The following TCF7L2 variants were observed in gnomAD, a reference collection of about 807,000 sequenced individuals.
TCF7L2 encodes the protein transcription factor 7 like 2, also known as transcription factor 7-like 2.
Under a neutral mutation model 77.9 loss-of-function variants are expected in TCF7L2, and 23 were observed. That is an observed-to-expected ratio of 0.30 (90% CI 0.21 to 0.42). The LOEUF is 0.42. Among genes scored for constraint, TCF7L2 ranks in the 10% least tolerant of loss-of-function variants. The probability of loss-of-function intolerance (pLI) is 1.00; values close to 1 mark genes in which losing one functional copy is unlikely to be tolerated. For missense variants in TCF7L2, 654 were observed against 793.1 expected, an observed-to-expected ratio of 0.82 and a Z score of 2.11; for synonymous variants, 413 against 340.2, an observed-to-expected ratio of 1.21 and a Z score of -2.36.
chr10:112,966,184 T>TTATATTTTTATA (rs1554876897), intron 4 of TCF7L2, among the ~76,000 whole-genome samples: 2 of 114,280 alleles, frequency 1.8e-5, no homozygotes, highest in African/African-American at 9.5e-5. Context: ...TAAAATATAT[T>TTATATTTTTATA]TATATATATA....
At chr10:112,967,396 C>T (rs926178413) in intron 4 of TCF7L2, among the ~76,000 whole-genome samples, 5 of 152,186 alleles carry the variant, frequency 3.3e-5, no homozygotes, top group African/African-American at 1.2e-4. Context: ...CCCTTCCCAT[C>T]CCTCCTGTAA....
At chr10:113,042,423 G>A (rs1256208703) in intron 5 of TCF7L2, among the ~76,000 whole-genome samples, 2 of 152,212 alleles carry the variant, frequency 1.3e-5, no homozygotes, top group Non-Finnish European at 2.9e-5. Flanking sequence ...TAGAGGGGAT[G>A]GGCTGGTGGA....
At chr10:113,032,541 G>A (rs1242776003) in intron 4 of TCF7L2, among the ~76,000 whole-genome samples, 3 of 152,196 alleles carry the variant, frequency 2.0e-5, no homozygotes, top group East Asian at 1.9e-4. Context: ...GGGACACTGA[G>A]ATGTTCCCTT....
intron 4 of TCF7L2, among the ~76,000 whole-genome samples, chr10:112,991,579 G>A (rs2042557504): frequency 6.6e-6 from 1 of 151,452 alleles, no homozygotes; most frequent in Admixed American, 6.6e-5. Context: ...CATGGGGTGA[G>A]TCTCTGCCAC....
At chr10:112,996,867 G>A (rs1227798386) in intron 4 of TCF7L2, among the ~76,000 whole-genome samples, 4 of 152,230 alleles carry the variant, frequency 2.6e-5, no homozygotes, top group Admixed American at 1.3e-4. Context: ...AAGGGCATTT[G>A]CTCTTCTGGG....
chr10:112,951,456 T>G, intron 2 of TCF7L2, 27 bp from the exon 3 acceptor site: 1 of 1,395,612 alleles, frequency 7.2e-7, no homozygotes, highest in South Asian at 1.2e-5. Context: ...CGGCCGCCGC[T>G]GTCCCCTCGC....
chr10:113,116,880 C>T (rs898807036), intron 5 of TCF7L2, among the ~76,000 whole-genome samples: 11 of 152,098 alleles, frequency 7.2e-5, no homozygotes, highest in African/African-American at 2.7e-4. Flanking sequence ...TAAAGTTGAT[C>T]CATTTTAGCT....
At chr10:112,951,857 A>G (rs1263207448) in intron 3 of TCF7L2, 2 of 155,358 alleles carry the variant, frequency 1.3e-5, no homozygotes, top group African/African-American at 4.9e-5. Context: ...GATGTTGGGG[A>G]GACCTCTCTG....
At chr10:113,033,484 G>A (rs890855605) in intron 4 of TCF7L2, among the ~76,000 whole-genome samples, 4 of 152,138 alleles carry the variant, frequency 2.6e-5, no homozygotes, top group African/African-American at 9.6e-5. Context: ...CTGGACTCAA[G>A]CAATCTTCCT....
intron 12 of TCF7L2, 92 bp from the exon 14 acceptor site, chr10:113,159,828 C>T (rs2072753736): frequency 8.7e-5 from 16 of 183,136 alleles, no homozygotes; most frequent in African/African-American, 1.6e-4. Flanking sequence ...GTATCTTTCT[C>T]TTCCCCCCCC....
At position 112,978,141 on chromosome 10, in the gene TCF7L2, T is replaced by C. The variant is rs761552162; in HGVS notation, c.450+13517T>C. Among the ~76,000 whole-genome samples the C allele has an allele frequency of 7.9e-5, 12 of 152,200 alleles. 1 individual carries two copies. The highest frequency in any genetic ancestry group is 1.6e-4 in the Non-Finnish European group (11 of 68,022). The stretch of plus-strand genomic sequence containing the variant: ...AAATTTAAATTGATATCTTGGGGCA[T>C]TTGATTCTCTATTGGAAAACAGTTA... On this transcript the variant is annotated intron_variant, in intron 4 of 13. Transcript: ENST00000627217.
At chr10:113,129,502 TA>T (rs2066212164) in intron 5 of TCF7L2, 1 of 1,007,956 alleles carries the variant, frequency 9.9e-7, no homozygotes, top group Non-Finnish European at 1.2e-6. Context: ...AAATTTTTTT[TA>T]AAAAATTAAA....
chr10:113,087,877 A>G (rs1426772145), intron 5 of TCF7L2, among the ~76,000 whole-genome samples: 2 of 152,192 alleles, frequency 1.3e-5, no homozygotes, highest in African/African-American at 4.8e-5. Context: ...AATACCATAT[A>G]CTATGGTAAC....
chr10:113,034,832 G>GT (rs1246114264), intron 4 of TCF7L2, among the ~76,000 whole-genome samples: 2 of 152,162 alleles, frequency 1.3e-5, no homozygotes, highest in African/African-American at 2.4e-5. Flanking sequence ...GAAGGTAGAG[G>GT]TTGCAGTGAG....
intron 12 of TCF7L2, chr10:113,160,509 A>G (rs2072990078): frequency 1.2e-5 from 11 of 910,572 alleles, no homozygotes; most frequent in Non-Finnish European, 1.7e-5. Context: ...AGATTATCAA[A>G]TAGAACCAAG....
chr10:113,059,301 A>C (rs1053412909), intron 5 of TCF7L2, among the ~76,000 whole-genome samples: 4 of 152,092 alleles, frequency 2.6e-5, no homozygotes, highest in African/African-American at 4.8e-5. Context: ...CCATAAAAAC[A>C]TGCGGCTTTC....
chr10:113,007,926 T>TGATG (rs2045852176), intron 4 of TCF7L2, among the ~76,000 whole-genome samples: 1 of 152,208 alleles, frequency 6.6e-6, no homozygotes, highest in African/African-American at 2.4e-5. Context: ...GAGGTGTTTC[T>TGATG]GAATTCTGAT....
Position 113,073,129 on chromosome 10 carries a change from T to TGTGTGTGTGTGTGTGTGAGA in TCF7L2, c.552+33004_552+33005insTGTGTGTGTGTGTGTGAGAG, listed in dbSNP as rs56927661. Among the ~76,000 whole-genome samples the TGTGTGTGTGTGTGTGTGAGA allele has an allele frequency of 8.3e-3, 1,022 of 123,400 alleles. 10 individuals carry two copies. Among genetic ancestry groups the TGTGTGTGTGTGTGTGTGAGA allele is most frequent in the Admixed American group, 0.016 (184 of 11,862 alleles). The allele number at this position is 123,400 out of a possible 152,430, so 81.0% of individuals were successfully genotyped here. ...GTGTGTGTGTGTGTGTGTGTGTGTG[T>TGTGTGTGTGTGTGTGTGAGA]GAGAGAGAGAGAGAGAGAGAGACAG... On this transcript the variant is annotated intron_variant, in intron 5 of 13. Coordinates refer to ENST00000627217, the MANE Select transcript of TCF7L2 (RefSeq NM_001146274.2).
At chr10:112,985,170 T>C (rs2041251132) in intron 4 of TCF7L2, among the ~76,000 whole-genome samples, 1 of 152,220 alleles carries the variant, frequency 6.6e-6, no homozygotes, top group Non-Finnish European at 1.5e-5. Flanking sequence ...TGGCAGGCTC[T>C]AGCTGTTGCT....
Sources: gnomAD v4.1 joint callset for allele counts (sites outside exome capture counted in the v4.1 genomes callset) on GRCh38, gnomAD v4.1.1 for gene constraint, MANE v1.5 for transcripts, NCBI Gene and HGNC (gene_info 2026-07-23, HGNC 2026-07-21) for gene names.